Variants in MAP3K20 observed in about 807,000 individuals in gnomAD.
The protein encoded by MAP3K20 is mitogen-activated protein kinase kinase kinase 20, also known as HCCS-4.
In MAP3K20, 40 loss-of-function variants were observed where a neutral mutation model predicts 85.7. The ratio of observed to expected loss-of-function variants is 0.47; its 90% CI spans 0.36 to 0.61. The LOEUF (loss-of-function observed/expected upper bound fraction) is 0.61. Among genes scored for constraint, MAP3K20 ranks in the 20% least tolerant of loss-of-function variants. The pLI is 0.00. For missense variants in MAP3K20, 817 were observed against 961.7 expected, an observed-to-expected ratio of 0.85 and a Z score of 1.99; for synonymous variants, 325 against 327.7, an observed-to-expected ratio of 0.99 and a Z score of 0.09.
At chr2:173,214,991 G>A (rs1332271880) in intron 10 of MAP3K20, among the ~76,000 whole-genome samples, 1 of 152,174 alleles carries the variant, frequency 6.6e-6, no homozygotes, top group Non-Finnish European at 1.5e-5. Context: ...ACAGATTGAG[G>A]AAGGAGATTT....
chr2:173,106,636 G>C (rs1202417237), intron 2 of MAP3K20, among the ~76,000 whole-genome samples: 1 of 152,182 alleles, frequency 6.6e-6, no homozygotes, highest in African/African-American at 2.4e-5. Flanking sequence ...TGGTTTTCCT[G>C]AGTACATTGA....
At position 173,076,753 on chromosome 2, in the gene MAP3K20, C is replaced by G. The variant is rs140309999; in HGVS notation, c.-35+751C>G. Among the ~76,000 whole-genome samples, 1,394 of 152,332 alleles carry G rather than the reference C, an allele frequency of 9.2e-3. 13 individuals carry two copies. Among genetic ancestry groups the G allele is most frequent in the African/African-American group, 0.031 (1,295 of 41,580 alleles). Reference sequence around the variant, plus strand: ...CTTCCCCCTTTCCTCCCACCGGAGCCGGGGATGTCTCCTTTGGCGACCCTC... The same window carrying G: ...CTTCCCCCTTTCCTCCCACCGGAGCGGGGGATGTCTCCTTTGGCGACCCTC... On this transcript the variant is annotated intron_variant, in intron 1 of 19. Coordinates refer to ENST00000375213, the MANE Select transcript of MAP3K20 (RefSeq NM_016653.3).
intron 11 of MAP3K20, chr2:173,221,712 G>T (rs948086833): frequency 1.6e-5 from 21 of 1,308,312 alleles, no homozygotes; most frequent in Non-Finnish European, 1.9e-5. Flanking sequence ...ACAGAAAAAC[G>T]GGGGGAGAAT....
intron 19 of MAP3K20, among the ~76,000 whole-genome samples, chr2:173,264,761 A>G (rs1299488972): frequency 6.6e-6 from 1 of 152,148 alleles, no homozygotes; most frequent in Non-Finnish European, 1.5e-5. Context: ...GTGATTCTGT[A>G]TGCTACTGCT....
chr2:173,157,114 G>C (rs1162186941), intron 2 of MAP3K20, among the ~76,000 whole-genome samples: 1 of 152,200 alleles, frequency 6.6e-6, no homozygotes. Flanking sequence ...TGGTTATTAA[G>C]TATGAGACAG....
chr2:173,170,291 A>C (rs999319549), intron 3 of MAP3K20, among the ~76,000 whole-genome samples: 1 of 152,202 alleles, frequency 6.6e-6, no homozygotes. Flanking sequence ...TAATCCCATT[A>C]GAGCATTCTT....
chr2:173,088,211 C>CT (rs1167253637), intron 1 of MAP3K20, among the ~76,000 whole-genome samples: 13 of 152,288 alleles, frequency 8.5e-5, no homozygotes, highest in African/African-American at 2.6e-4. Context: ...ACTGATAACT[C>CT]TAAGAGAATC....
At chr2:173,152,684 G>A (rs1689342582) in intron 2 of MAP3K20, among the ~76,000 whole-genome samples, 3 of 152,044 alleles carry the variant, frequency 2.0e-5, no homozygotes, top group South Asian at 4.1e-4. Context: ...GGGGTGAGAC[G>A]GTATTTAGAA....
At chr2:173,121,748 G>A (rs1041464403) in intron 2 of MAP3K20, among the ~76,000 whole-genome samples, 6 of 145,490 alleles carry the variant, frequency 4.1e-5, no homozygotes, top group South Asian at 2.4e-4. Flanking sequence ...CCCCCCCGCC[G>A]CCCACCCGCC....
At chr2:173,221,074 T>C in intron 11 of MAP3K20, 2 of 1,302,358 alleles carry the variant, frequency 1.5e-6, no homozygotes. Context: ...CCAACTAATT[T>C]TGTGGTATCT....
chr2:173,131,394 G>A (rs952318664), intron 2 of MAP3K20, among the ~76,000 whole-genome samples: 2 of 152,174 alleles, frequency 1.3e-5, no homozygotes, highest in African/African-American at 4.8e-5. Flanking sequence ...TGGAGATAGG[G>A]AAAGAGTTGC....
chr2:173,076,888 A>T (rs1573991523), intron 1 of MAP3K20, among the ~76,000 whole-genome samples: 1 of 152,354 alleles, frequency 6.6e-6, no homozygotes, highest in South Asian at 2.1e-4. Context: ...AGAAAACTTT[A>T]ATTCAGGACT....
intron 16 of MAP3K20, among the ~76,000 whole-genome samples, chr2:173,255,455 C>T (rs1405127082): frequency 6.6e-6 from 1 of 152,216 alleles, no homozygotes; most frequent in African/African-American, 2.4e-5. Flanking sequence ...CTTTCTGAGC[C>T]TCATTTTTCT....
intron 11 of MAP3K20, chr2:173,224,306 T>C (rs886159806): frequency 2.0e-6 from 2 of 985,306 alleles, no homozygotes; most frequent in Admixed American, 6.2e-5. Flanking sequence ...AATGTAAACC[T>C]GGAGTCTCAT....
chr2:173,234,220 G>A lies in MAP3K20; in HGVS notation c.1203+1761G>A, dbSNP rs769906301. On this transcript the variant is annotated intron_variant, in intron 14 of 19. Transcript: ENST00000375213. ...GATCAGTTCGGAGGAAGGGTGGTGA[G>A]CTGGGATATCTCACCAGAAGCCCTC... is the stretch of plus-strand genomic sequence containing the variant. Among the ~76,000 whole-genome samples the A allele has an allele frequency of 1.1e-3, 160 of 152,314 alleles. 2 individuals are homozygous for A. The highest frequency in any genetic ancestry group is 6.8e-3 in the Middle Eastern group (2 of 294).
At chr2:173,131,319 T>C (rs935119551) in intron 2 of MAP3K20, among the ~76,000 whole-genome samples, 5 of 152,210 alleles carry the variant, frequency 3.3e-5, no homozygotes, top group Non-Finnish European at 4.4e-5. Context: ...AGGTGCTCCA[T>C]TAAACAATGA....
At chr2:173,087,324 A>G (rs995222772) in intron 1 of MAP3K20, among the ~76,000 whole-genome samples, 2 of 152,206 alleles carry the variant, frequency 1.3e-5, no homozygotes, top group African/African-American at 4.8e-5. Context: ...GTGCAGAGAA[A>G]AGTATTTGAA....
chr2:173,104,535 A>T (rs1687730574), intron 2 of MAP3K20, among the ~76,000 whole-genome samples: 1 of 152,202 alleles, frequency 6.6e-6, no homozygotes, highest in South Asian at 2.1e-4. Context: ...TGGAAAAAAT[A>T]GTGAAATGTC....
At chr2:173,093,344 T>C (rs1687356612) in intron 2 of MAP3K20, among the ~76,000 whole-genome samples, 1 of 152,212 alleles carries the variant, frequency 6.6e-6, no homozygotes, top group African/African-American at 2.4e-5. Context: ...CTTAATAAAA[T>C]GTTCGCAGCT....
Sources: gnomAD v4.1 joint callset for allele counts (sites outside exome capture counted in the v4.1 genomes callset) on GRCh38, gnomAD v4.1.1 for gene constraint, MANE v1.5 for transcripts, NCBI Gene and HGNC (gene_info 2026-07-23, HGNC 2026-07-21) for gene names.